HTR1E: variants seen among roughly 807,000 people sequenced by gnomAD.
HTR1E encodes 5-hydroxytryptamine receptor 1E.
HTR1E carries 3 observed loss-of-function variants against 3.4 expected under a neutral mutation model. The observed-to-expected ratio is 0.89, with a 90% CI of 0.41 to 2.31. The LOEUF (loss-of-function observed/expected upper bound fraction) is 2.31. Ranked by LOEUF, HTR1E falls within the 30% of genes most tolerant of loss-of-function variation. The probability of loss-of-function intolerance (pLI) is 0.05; values close to 1 mark genes in which losing one functional copy is unlikely to be tolerated. For synonymous variants in HTR1E, 170 were observed against 182.8 expected (o/e 0.93, Z 0.56); for missense variants, 392 against 467.0 (o/e 0.84, Z 1.48).
At chr6:87,009,169 A>G (rs934061041) in intron 1 of HTR1E, among the ~76,000 whole-genome samples, 6 of 150,482 alleles carry the variant, frequency 4.0e-5, no homozygotes, top group African/African-American at 1.5e-4. Flanking sequence ...TAAACAAGTG[A>G]ACAAAGGTCT....
At chr6:86,997,369 A>G (rs191124010) in intron 1 of HTR1E, among the ~76,000 whole-genome samples, 2 of 150,530 alleles carry the variant, frequency 1.3e-5, no homozygotes, top group East Asian at 4.0e-4. Context: ...AATAAAAAAG[A>G]GAAGACATAC....
At chr6:87,002,573 T>C (rs1204539748) in intron 1 of HTR1E, among the ~76,000 whole-genome samples, 2 of 152,206 alleles carry the variant, frequency 1.3e-5, no homozygotes, top group African/African-American at 4.8e-5. Context: ...AGACACATAG[T>C]GCTGACTGGT....
intron 1 of HTR1E, among the ~76,000 whole-genome samples, chr6:86,989,112 T>A (rs1472863921): frequency 6.6e-6 from 1 of 152,120 alleles, no homozygotes; most frequent in African/African-American, 2.4e-5. Context: ...TACATGCACA[T>A]ACCCCTTACC....
chr6:87,010,098 C>T (rs556678377), intron 1 of HTR1E, among the ~76,000 whole-genome samples: 3 of 136,160 alleles, frequency 2.2e-5, no homozygotes, highest in Admixed American at 1.4e-4. Flanking sequence ...GGTGGCTGGC[C>T]GGGCTGAGGG....
intron 1 of HTR1E, among the ~76,000 whole-genome samples, chr6:87,010,330 TCCCTCCC>T: frequency 1.3e-5 from 1 of 79,370 alleles, no homozygotes; most frequent in Non-Finnish European, 2.3e-5. Flanking sequence ...CCCCCCCACC[TCCCTCCC>T]GGACGGGGCG....
intron 1 of HTR1E, among the ~76,000 whole-genome samples, chr6:86,961,370 T>A (rs1767404423): frequency 6.6e-6 from 1 of 152,244 alleles, no homozygotes; most frequent in African/African-American, 2.4e-5. Flanking sequence ...AAGAATTTTT[T>A]TAATTTAATT....
At chr6:86,968,976 A>C (rs1177971257) in intron 1 of HTR1E, among the ~76,000 whole-genome samples, 1 of 151,998 alleles carries the variant, frequency 6.6e-6, no homozygotes, top group Non-Finnish European at 1.5e-5. Flanking sequence ...GTAGGGATCT[A>C]ACTTTATTTT....
chr6:87,010,550 G>T (rs1768210439), intron 1 of HTR1E, among the ~76,000 whole-genome samples: 1 of 143,552 alleles, frequency 7.0e-6, no homozygotes, highest in African/African-American at 2.6e-5. Context: ...TCAGACGATG[G>T]GCGGCCGGGC....
At chr6:86,965,415 C>T (rs541038775) in intron 1 of HTR1E, among the ~76,000 whole-genome samples, 4 of 152,232 alleles carry the variant, frequency 2.6e-5, no homozygotes, top group Non-Finnish European at 4.4e-5. Context: ...TTTGGTTTCA[C>T]GTTTTATTCA....
rs149730229 is a variant in HTR1E, at chr6:87,015,670, C to G, written c.336C>G (p.His112Gln). The G allele has an allele frequency of 6.2e-7, 1 of 1,614,206 alleles. No homozygotes were observed. The highest frequency in any genetic ancestry group is 8.5e-7 in the Non-Finnish European group (1 of 1,180,036). Residue 112 changes from histidine (H) to glutamine (Q), a missense_variant, in exon 2 of 2, where the codon CAC (histidine) becomes CAG (glutamine). This residue lies in a region of HTR1E where 189 missense variants were observed against 258.0 expected (regional missense o/e 0.73). Transcript: ENST00000305344. ...CCTGCTGCACCTGCTCCATCCTCCA[C>G]CTCTGTGTCATTGCCCTGGACAGGT... ...DMTCCTCSIL[H>Q]LCVIALDRYW...
Position 87,015,992 on chromosome 6 carries a change from C to T in HTR1E, c.658C>T (p.Arg220Trp), listed in dbSNP as rs778639081. The T allele has an allele frequency of 1.3e-5, 21 of 1,614,160 alleles. No individual in the cohort carries two copies. The highest frequency in any genetic ancestry group is 5.0e-5 in the Admixed American group (3 of 60,024). The change falls in exon 2 of 2, where the codon CGG (arginine) becomes TGG (tryptophan). Residue 220 changes from arginine (R) to tryptophan (W), a missense_variant. Arg to Trp is a moderately radical substitution (Grantham distance 101). This residue lies in a region of HTR1E where 178 missense variants were observed against 164.9 expected (regional missense o/e 1.08). Coordinates refer to ENST00000305344, the MANE Select transcript of HTR1E (RefSeq NM_000865.3). Reference protein sequence around the residue: ...KSLYQKRGSSRHLSNRSTDSQ... With the variant: ...KSLYQKRGSSWHLSNRSTDSQ... ...CCTTTACCAGAAAAGGGGATCAAGT[C>T]GGCACTTAAGCAACAGAAGCACAGA... is the stretch of plus-strand genomic sequence containing the variant.
intron 1 of HTR1E, chr6:86,971,023 G>T: frequency 4.2e-6 from 2 of 477,948 alleles, no homozygotes; most frequent in South Asian, 1.6e-5. Context: ...TCTGATTCAT[G>T]AGATCTATAC....
At chr6:86,963,125 A>G (rs1767430711) in intron 1 of HTR1E, among the ~76,000 whole-genome samples, 1 of 152,228 alleles carries the variant, frequency 6.6e-6, no homozygotes. Context: ...TGGAGGTAGA[A>G]GACAGTGATA....
chr6:86,972,309 T>G (rs1443657505), intron 1 of HTR1E, among the ~76,000 whole-genome samples: 1 of 152,186 alleles, frequency 6.6e-6, no homozygotes, highest in Non-Finnish European at 1.5e-5. Context: ...TTCTTAGCTA[T>G]GCAGGGGTTA....
intron 1 of HTR1E, among the ~76,000 whole-genome samples, chr6:86,975,634 G>A (rs766572893): frequency 6.6e-6 from 1 of 151,924 alleles, no homozygotes; most frequent in African/African-American, 2.4e-5. Context: ...CCCGTACATG[G>A]ACATCCTCTC....
At chr6:86,941,144 G>T (rs1768539141) in intron 1 of HTR1E, among the ~76,000 whole-genome samples, 1 of 152,184 alleles carries the variant, frequency 6.6e-6, no homozygotes, top group Non-Finnish European at 1.5e-5. Context: ...TTGGGGCTTA[G>T]GTCAGTCAAC....
chr6:86,996,829 C>A (rs563907727), intron 1 of HTR1E, among the ~76,000 whole-genome samples: 1 of 152,006 alleles, frequency 6.6e-6, no homozygotes, highest in South Asian at 2.1e-4. Flanking sequence ...AGAATTAACA[C>A]CAGTTACACA....
chr6:86,975,879 A>C (rs1471290049), intron 1 of HTR1E, among the ~76,000 whole-genome samples: 1 of 149,288 alleles, frequency 6.7e-6, no homozygotes, highest in Non-Finnish European at 1.5e-5. Context: ...TTTTTTATTA[A>C]ATCTCACCTT....
intron 1 of HTR1E, among the ~76,000 whole-genome samples, chr6:86,990,900 G>C (rs551676076): frequency 6.6e-6 from 1 of 151,992 alleles, no homozygotes; most frequent in African/African-American, 2.4e-5. Context: ...AAATAGAGCA[G>C]GGAAAGGGAA....
Sources: allele counts gnomAD v4.1 joint callset (sites outside exome capture counted in the v4.1 genomes callset), GRCh38; gene constraint gnomAD v4.1.1; regional missense constraint gnomAD v4.1.1; transcripts MANE v1.5; gene names NCBI Gene and HGNC (gene_info 2026-07-23, HGNC 2026-07-21).